The following ORC5 variants were observed in gnomAD, a reference collection of about 807,000 sequenced individuals.
ORC5 encodes origin recognition complex subunit 5.
ORC5 carries 39 observed loss-of-function variants against 58.8 expected under a neutral mutation model. The ratio of observed to expected loss-of-function variants is 0.66; its 90% CI spans 0.51 to 0.87. The LOEUF is 0.87. ORC5 is among the 40% of genes least tolerant of loss of function. ORC5 has a pLI of 0.00. For synonymous variants in ORC5, 218 were observed against 177.6 expected (o/e 1.23, Z -1.81); for missense variants, 493 against 506.3 (o/e 0.97, Z 0.25).
chr7:104,197,822 AC>A, intron 3 of ORC5, 23 bp from the exon 4 acceptor site: 1 of 1,442,064 alleles, frequency 6.9e-7, no homozygotes, highest in Non-Finnish European at 9.5e-7. Context: ...AAAAAACAAA[AC>A]AAAAAGAAAT....
intron 6 of ORC5, among the ~76,000 whole-genome samples, chr7:104,185,046 C>T (rs1799514919): frequency 7.3e-6 from 1 of 137,914 alleles, no homozygotes. Flanking sequence ...CTGCCCCCCA[C>T]CTTTTGAGTC....
In ORC5 at chr7:104,207,827, C is replaced by T; in HGVS notation, c.72+6G>A. 6.2e-7 allele frequency: 1 copy of T among 1,613,108 alleles called. No individual in the cohort carries two copies. The highest frequency in any genetic ancestry group is 8.5e-7 in the Non-Finnish European group (1 of 1,179,052). Reference sequence around the variant, plus strand: ...CAGGATCTGGAAGACAGTTTAACTACAATACCTCTCCAAACAAGGACTGCA... The same window carrying T: ...CAGGATCTGGAAGACAGTTTAACTATAATACCTCTCCAAACAAGGACTGCA... On this transcript the variant is annotated splice_donor_region_variant and intron_variant, in intron 1 of 13. Transcript: ENST00000297431.
intron 10 of ORC5, chr7:104,165,874 TG>T (rs765150253): frequency 6.6e-6 from 1 of 152,566 alleles, no homozygotes; most frequent in Non-Finnish European, 1.5e-5. Flanking sequence ...GGGACCAGCC[TG>T]GCCAACATGG....
intron 12 of ORC5, among the ~76,000 whole-genome samples, chr7:104,144,607 A>G (rs1286585410): frequency 6.6e-6 from 1 of 152,088 alleles, no homozygotes; most frequent in Non-Finnish European, 1.5e-5. Flanking sequence ...AATACAAAAA[A>G]TTAGCCGGTC....
rs544193506 is a variant in ORC5 at position 104,196,242 on chromosome 7, AGAC to A, written c.442-991_442-989del. Among the ~76,000 whole-genome samples the A allele has an allele frequency of 9.1e-4, 139 of 152,328 alleles. 1 individual carries two copies. Among genetic ancestry groups the A allele is most frequent in the African/African-American group, 3.3e-3 (138 of 41,568 alleles). ...GGTGATCTACACTGAAAAGGCAAGA[AGAC>A]AATACTGCACTCTGGATACCAGATG... On this transcript the variant is annotated intron_variant, in intron 4 of 13. Coordinates refer to ENST00000297431, the MANE Select transcript of ORC5 (RefSeq NM_002553.4).
chr7:104,184,300 T>A, intron 6 of ORC5, 129 bp from the exon 7 acceptor site: 1 of 646,810 alleles, frequency 1.5e-6, no homozygotes, highest in Non-Finnish European at 2.6e-6. Flanking sequence ...AAGTCAAATG[T>A]AATTATACGC....
intron 8 of ORC5, among the ~76,000 whole-genome samples, chr7:104,183,479 C>A (rs1799477533): frequency 6.6e-6 from 1 of 152,144 alleles, no homozygotes; most frequent in Admixed American, 6.5e-5. Context: ...AATGGGGTCA[C>A]ATGTGTTAAA....
In ORC5 at chr7:104,175,462, T is replaced by C. The variant is rs141135084; in HGVS notation, c.825-6937A>G. Among the ~76,000 whole-genome samples the C allele has an allele frequency of 8.7e-3, 1,327 of 152,330 alleles. 25 individuals carry two copies. The highest frequency in any genetic ancestry group is 0.03 in the African/African-American group (1,245 of 41,560). On this transcript the variant is annotated intron_variant, in intron 8 of 13. Transcript: ENST00000297431. ...AAAGTTTTAGAGTGCTTTCAAATTA[T>C]TGTTTTACAAATTACATCAGCTCCA...
chr7:104,186,209 A>AT (rs779566156), intron 6 of ORC5, among the ~76,000 whole-genome samples: 39 of 146,920 alleles, frequency 2.7e-4, no homozygotes, highest in Admixed American at 4.1e-4. Flanking sequence ...TTGTCTACAG[A>AT]TTTTTTTTTT....
rs186791808 is a variant in ORC5, at chr7:104,187,004, C to A, written c.684+1247G>T. The stretch of plus-strand genomic sequence containing the variant: ...TTTTATTTTCCCATAAATATTTTCC[C>A]TAAATTTTTCCTTCTTGTACTTTAT... On this transcript the variant is annotated intron_variant, in intron 6 of 13. Transcript: ENST00000297431. Among the ~76,000 whole-genome samples, 23 of 152,174 alleles carry A rather than the reference C, an allele frequency of 1.5e-4. No individual in the cohort carries two copies. The East Asian group carries it at 4.4e-3, about 29-fold the overall frequency.
intron 4 of ORC5, among the ~76,000 whole-genome samples, chr7:104,196,074 T>C (rs1327986471): frequency 6.6e-6 from 1 of 152,242 alleles, no homozygotes; most frequent in African/African-American, 2.4e-5. Flanking sequence ...GCAATTCTCT[T>C]TTCCAGTTCA....
At chr7:104,132,384 T>G (rs1457965401) in intron 13 of ORC5, among the ~76,000 whole-genome samples, 1 of 152,192 alleles carries the variant, frequency 6.6e-6, no homozygotes, top group Non-Finnish European at 1.5e-5. Context: ...ATTGATTGAC[T>G]GCCATTTTAG....
chr7:104,143,607 T>C (rs926719743), intron 12 of ORC5, among the ~76,000 whole-genome samples: 1 of 151,870 alleles, frequency 6.6e-6, no homozygotes, highest in African/African-American at 2.4e-5. Context: ...TTTTTAGGGG[T>C]AGGGATGATT....
chr7:104,128,778 C>A (rs979520101), intron 13 of ORC5, among the ~76,000 whole-genome samples: 2 of 148,622 alleles, frequency 1.3e-5, no homozygotes, highest in South Asian at 2.1e-4. Context: ...TAACCACGGA[C>A]AGAAAAGGCA....
chr7:104,166,749 G>A (rs1799113520), intron 10 of ORC5, 23 bp downstream of exon 10: 3 of 1,239,016 alleles, frequency 2.4e-6, no homozygotes, highest in Non-Finnish European at 2.3e-6. Flanking sequence ...AAAATAAAGT[G>A]AAAAGAAGTA....
intron 12 of ORC5, among the ~76,000 whole-genome samples, chr7:104,151,749 A>T (rs1798850983): frequency 6.6e-6 from 1 of 152,176 alleles, no homozygotes; most frequent in African/African-American, 2.4e-5. Flanking sequence ...AACTAGAAAT[A>T]TGTATTTCAA....
chr7:104,134,487 A>C (rs1391879185), intron 13 of ORC5, among the ~76,000 whole-genome samples: 1 of 151,786 alleles, frequency 6.6e-6, no homozygotes, highest in Non-Finnish European at 1.5e-5. Context: ...CTATTATCTC[A>C]ATACATGAGG....
intron 11 of ORC5, among the ~76,000 whole-genome samples, chr7:104,161,468 C>A (rs1179102423): frequency 6.6e-6 from 1 of 152,124 alleles, no homozygotes; most frequent in Non-Finnish European, 1.5e-5. Flanking sequence ...TGGGCTCAAG[C>A]CATCCTCCTA....
intron 12 of ORC5, among the ~76,000 whole-genome samples, chr7:104,149,943 T>C (rs184324758): frequency 3.0e-4 from 45 of 152,334 alleles, no homozygotes; most frequent in African/African-American, 8.4e-4. Flanking sequence ...GGTTATACAA[T>C]ATTTGTTTAA....
Sources: allele counts gnomAD v4.1 joint callset (sites outside exome capture counted in the v4.1 genomes callset), GRCh38; gene constraint gnomAD v4.1.1; transcripts MANE v1.5; gene names NCBI Gene and HGNC (gene_info 2026-07-23, HGNC 2026-07-21).